The following ACSL4 variants were observed in gnomAD, a reference collection of about 807,000 sequenced individuals.
ACSL4 encodes long-chain-fatty-acid--CoA ligase 4.
Under a neutral mutation model 49.1 loss-of-function variants are expected in ACSL4, and 9 were observed. The observed-to-expected ratio is 0.18, with a 90% CI of 0.11 to 0.32. The LOEUF (loss-of-function observed/expected upper bound fraction) is 0.32. Ranked by LOEUF, ACSL4 falls within the 10% of genes least tolerant of loss-of-function variation. The pLI, the probability that ACSL4 is intolerant of heterozygous loss-of-function variation, is 1.00. For missense variants in ACSL4, 333 were observed against 493.7 expected (o/e 0.67, Z 3.08); for synonymous variants, 191 against 170.3 (o/e 1.12, Z -0.95).
Position 109,726,889 on chromosome X carries a change from G to GT in ACSL4, c.-66+6249dup, listed in dbSNP as rs746761419. Among the ~76,000 whole-genome samples, 672 of 99,534 alleles carry GT rather than the reference G, an allele frequency of 6.8e-3. 24 individuals carry two copies. The highest frequency in any genetic ancestry group is 0.047 in the Admixed American group (428 of 9,196). The allele number at this position is 99,534 out of a possible 115,157, so 86.4% of individuals were successfully genotyped here. A position where few individuals can be genotyped will look rare whatever the true frequency, so the allele number is the denominator to read the frequency against. On this transcript the variant is annotated intron_variant, in intron 1 of 15. Transcript: ENST00000672401. ...TTGTTGTTGTTGTTTTGTTTTTTTTGTTTTTTTTTTAGAGACAGGGTCTCA... is the reference window on the plus strand; with the variant it reads ...TTGTTGTTGTTGTTTTGTTTTTTTTGTTTTTTTTTTTAGAGACAGGGTCTCA...
intron 2 of ACSL4, among the ~76,000 whole-genome samples, chrX:109,687,029 A>C (rs1343872600): frequency 2.7e-5 from 3 of 112,060 alleles, no homozygotes; most frequent in East Asian, 2.8e-4. Context: ...TGGAACTTCC[A>C]GTTCAGCTGA....
chrX:109,683,599 C>A (rs752524679), intron 2 of ACSL4: 15 of 562,157 alleles, frequency 2.7e-5, no homozygotes, highest in African/African-American at 2.6e-4. Context: ...GCAGTACAGC[C>A]AAGGCAGTTC....
At position 109,663,317 on chromosome X, in the gene ACSL4, A is replaced by G. The variant is rs201894895; in HGVS notation, c.1476T>C (p.Asn492=). The change falls in exon 13 of 16, where the codon AAT becomes AAC. Residue 492 remains asparagine, a synonymous_variant. Coordinates refer to ENST00000672401, the MANE Select transcript of ACSL4 (RefSeq NM_001318510.2). ...AATAATCTTCTGCTGTTTTCTCTTC[A>G]TTTTTAAAATATCCCATGGAGATGT... is the stretch of plus-strand genomic sequence containing the variant. ...GQNISMGYFK[N]EEKTAEDYSV... is the part of the protein sequence containing the mutation. The G allele has an allele frequency of 1.2e-4, 140 of 1,207,972 alleles. No individual in the cohort carries two copies. Among genetic ancestry groups the G allele is most frequent in the Non-Finnish European group, 1.4e-4 (127 of 893,366 alleles).
chrX:109,684,663 TA>T (rs770924327), intron 2 of ACSL4, among the ~76,000 whole-genome samples: 1 of 112,056 alleles, frequency 8.9e-6, no homozygotes, highest in South Asian at 3.7e-4. Flanking sequence ...GGCAGTAGTA[TA>T]AGCAATAAAT....
At chrX:109,731,287 TATTCATTATAAGAATATATC>T (rs1928425294) in intron 1 of ACSL4, among the ~76,000 whole-genome samples, 1 of 110,543 alleles carries the variant, frequency 9.0e-6, no homozygotes, top group Admixed American at 9.7e-5. Context: ...TTGTCATATA[TATTCATTATAAGAATATATC>T]ATTCAAATTG....
intron 2 of ACSL4, among the ~76,000 whole-genome samples, chrX:109,689,976 CAAGTACAAT>C (rs1194495981): frequency 4.5e-5 from 5 of 111,814 alleles, no homozygotes; most frequent in Non-Finnish European, 9.4e-5. Flanking sequence ...AAAATATATG[CAAGTACAAT>C]AACGTGAAGG....
chrX:109,702,539 G>A (rs1926049912), intron 1 of ACSL4, among the ~76,000 whole-genome samples: 1 of 112,180 alleles, frequency 8.9e-6, no homozygotes, highest in African/African-American at 3.2e-5. Context: ...AGGCCTAGAA[G>A]CAGTGATACC....
chrX:109,715,835 A>C (rs1194103208), intron 1 of ACSL4, among the ~76,000 whole-genome samples: 1 of 111,762 alleles, frequency 8.9e-6, no homozygotes, highest in Admixed American at 9.6e-5. Context: ...AAATTGTAAC[A>C]GAAAGTTATA....
chrX:109,720,597 C>T (rs934781690), intron 1 of ACSL4, among the ~76,000 whole-genome samples: 2 of 111,694 alleles, frequency 1.8e-5, no homozygotes, highest in African/African-American at 6.5e-5. Context: ...TGTGCTAATA[C>T]TCACATTTCT....
At chrX:109,653,205 G>C in intron 15 of ACSL4, among the ~76,000 whole-genome samples, 1 of 111,612 alleles carries the variant, frequency 9.0e-6, no homozygotes, top group Non-Finnish European at 1.9e-5. Context: ...ATGAAAAAAT[G>C]CTCATCATCA....
At chrX:109,644,726 C>T (rs1934570892) in intron 15 of ACSL4, among the ~76,000 whole-genome samples, 2 of 112,533 alleles carry the variant, frequency 1.8e-5, no homozygotes, top group Admixed American at 9.4e-5. Context: ...CCAGCCTGAG[C>T]GACACAGAAG....
chrX:109,720,943 C>G (rs1435950306), intron 1 of ACSL4, among the ~76,000 whole-genome samples: 1 of 111,845 alleles, frequency 8.9e-6, no homozygotes. Context: ...TTATCCTAGG[C>G]CTTCTCTTCT....
chrX:109,645,920 C>G (rs1283729887), intron 15 of ACSL4, among the ~76,000 whole-genome samples: 1 of 111,574 alleles, frequency 9.0e-6, no homozygotes, highest in African/African-American at 3.3e-5. Flanking sequence ...GAAAGGCTAT[C>G]AATGATGGAA....
chrX:109,721,278 C>T (rs888669693), intron 1 of ACSL4, among the ~76,000 whole-genome samples: 1 of 112,498 alleles, frequency 8.9e-6, no homozygotes, highest in African/African-American at 3.2e-5. Context: ...AGTGAATTTT[C>T]ACCATCTTAG....
chrX:109,704,666 A>G (rs1926220441), intron 1 of ACSL4, among the ~76,000 whole-genome samples: 1 of 111,867 alleles, frequency 8.9e-6, no homozygotes, highest in Admixed American at 9.6e-5. Context: ...CTAGACACAG[A>G]AGGACAAATA....
At chrX:109,670,617 T>TCTCCCTCC (rs1359157805) in intron 9 of ACSL4, among the ~76,000 whole-genome samples, 2 of 103,585 alleles carry the variant, frequency 1.9e-5, no homozygotes, top group African/African-American at 3.5e-5. Context: ...CTCTCCCTCC[T>TCTCCCTCC]CTCCCTCCTC....
At chrX:109,692,545 A>T (rs1925117345) in intron 2 of ACSL4, among the ~76,000 whole-genome samples, 1 of 111,956 alleles carries the variant, frequency 8.9e-6, no homozygotes, top group Non-Finnish European at 1.9e-5. Flanking sequence ...AGAAAAACTA[A>T]GTTCTGGGTG....
chrX:109,680,425 C>T (rs934367293), intron 6 of ACSL4, among the ~76,000 whole-genome samples: 1 of 112,236 alleles, frequency 8.9e-6, no homozygotes. Flanking sequence ...TTTTGACCAT[C>T]GCATTAAACA....
At chrX:109,677,525 TC>T (rs1412260986) in intron 8 of ACSL4, among the ~76,000 whole-genome samples, 1 of 110,654 alleles carries the variant, frequency 9.0e-6, no homozygotes, top group Non-Finnish European at 1.9e-5. Context: ...ACATCTGTAA[TC>T]CCAGCACTTT....
Sources: allele counts gnomAD v4.1 joint callset (sites outside exome capture counted in the v4.1 genomes callset), GRCh38; gene constraint gnomAD v4.1.1; transcripts MANE v1.5; gene names NCBI Gene and HGNC (gene_info 2026-07-23, HGNC 2026-07-21).